FUBP3: variants seen among roughly 807,000 people sequenced by gnomAD.
FUBP3 encodes far upstream element-binding protein 3.
A neutral mutation model predicts 85.6 loss-of-function variants in FUBP3; 28 were observed. That is an observed-to-expected ratio of 0.33 (90% CI 0.24 to 0.45). The LOEUF (loss-of-function observed/expected upper bound fraction) is 0.45. Ranked by LOEUF, FUBP3 falls within the 20% of genes least tolerant of loss-of-function variation. The pLI is 1.00. For missense variants in FUBP3, 583 were observed against 755.1 expected (o/e 0.77, Z 2.67); for synonymous variants, 271 against 271.4 (o/e 1.00, Z 0.01).
chr9:130,602,515 G>A (rs147786658), intron 2 of FUBP3, among the ~76,000 whole-genome samples: 190 of 152,196 alleles, frequency 1.2e-3, no homozygotes, highest in African/African-American at 4.4e-3. Flanking sequence ...GAGCCATGAT[G>A]CCCGGACCCC....
intron 2 of FUBP3, among the ~76,000 whole-genome samples, chr9:130,607,979 G>A (rs1831546242): frequency 1.3e-5 from 2 of 152,208 alleles, no homozygotes; most frequent in Admixed American, 6.5e-5. Context: ...CATGTGCGTG[G>A]CACCTGTAAC....
chr9:130,610,848 A>G (rs985902227), intron 3 of FUBP3, among the ~76,000 whole-genome samples: 3 of 151,956 alleles, frequency 2.0e-5, no homozygotes, highest in Admixed American at 6.6e-5. Flanking sequence ...GGTTGTTGTT[A>G]TTGTTGTTTC....
intron 2 of FUBP3, among the ~76,000 whole-genome samples, chr9:130,598,366 AATTGTGAAATT>A (rs1232194911): frequency 6.6e-6 from 1 of 152,214 alleles, no homozygotes; most frequent in African/African-American, 2.4e-5. Flanking sequence ...AACAAGGCTG[AATTGTGAAATT>A]GTTGTGAAAG....
intron 13 of FUBP3, 104 bp from the exon 14 acceptor site, chr9:130,631,453 G>T: frequency 7.7e-7 from 1 of 1,294,224 alleles, no homozygotes; most frequent in South Asian, 1.3e-5. Flanking sequence ...TACTTCACTC[G>T]ACTCCATCTC....
chr9:130,587,001 G>T (rs186717062), intron 1 of FUBP3, among the ~76,000 whole-genome samples: 1 of 151,426 alleles, frequency 6.6e-6, no homozygotes, highest in African/African-American at 2.4e-5. Context: ...CACCTGCCTC[G>T]GCCTCCCAAA....
rs558889297 is a variant in FUBP3 at position 130,586,763 on chromosome 9, T to C, written c.84+6999T>C. Reference sequence around the variant, plus strand: ...GAAGCAGCAATCTTTTTTTTTTTTTTTTTTTCAGACGGAGTCTCGCTCTGT... The same window carrying C: ...GAAGCAGCAATCTTTTTTTTTTTTTCTTTTTCAGACGGAGTCTCGCTCTGT... On this transcript the variant is annotated intron_variant, in intron 1 of 18. Coordinates refer to ENST00000319725, the MANE Select transcript of FUBP3 (RefSeq NM_003934.2). Among the ~76,000 whole-genome samples the C allele has an allele frequency of 1.4e-3, 215 of 149,180 alleles. 3 individuals carry two copies. Among genetic ancestry groups the C allele is most frequent in the African/African-American group, 5.2e-3 (209 of 40,448 alleles).
At chr9:130,636,250 C>T (rs1830414270) in intron 18 of FUBP3, 124 bp downstream of exon 18, 1 of 979,140 alleles carries the variant, frequency 1.0e-6, no homozygotes, top group Non-Finnish European at 1.6e-6. Context: ...GGCGCCATAG[C>T]TCCTCAGCGA....
chr9:130,598,062 T>C (rs1830957237), intron 2 of FUBP3, among the ~76,000 whole-genome samples: 1 of 152,166 alleles, frequency 6.6e-6, no homozygotes, highest in Admixed American at 6.5e-5. Context: ...AAATACGCAA[T>C]ATAAATGAAC....
intron 2 of FUBP3, among the ~76,000 whole-genome samples, chr9:130,606,762 G>T (rs1831476319): frequency 6.6e-6 from 1 of 152,066 alleles, no homozygotes. Flanking sequence ...AGAGGTTGTG[G>T]TAAGCCGAGA....
chr9:130,609,912 GC>G, intron 2 of FUBP3, 41 bp from the exon 3 acceptor site: 1 of 1,509,540 alleles, frequency 6.6e-7, no homozygotes, highest in Non-Finnish European at 9.2e-7. Context: ...GTTTATCCGT[GC>G]TAATGCTTTG....
chr9:130,594,166 G>T (rs1372047407), intron 1 of FUBP3, among the ~76,000 whole-genome samples: 2 of 152,124 alleles, frequency 1.3e-5, no homozygotes, highest in Non-Finnish European at 2.9e-5. Flanking sequence ...TCACACCTTT[G>T]AGCCATGGGA....
intron 1 of FUBP3, among the ~76,000 whole-genome samples, chr9:130,588,850 C>T (rs1369702619): frequency 6.6e-6 from 1 of 152,236 alleles, no homozygotes; most frequent in Non-Finnish European, 1.5e-5. Context: ...GGGCTACTTC[C>T]CTGGCTGCAT....
chr9:130,584,738 A>G (rs138618928), intron 1 of FUBP3, among the ~76,000 whole-genome samples: 497 of 151,976 alleles, frequency 3.3e-3, no homozygotes, highest in Admixed American at 4.9e-3. Context: ...GCGTGGTGGC[A>G]CATGTCTGTA....
chr9:130,586,350 A>G (rs1830335783), intron 1 of FUBP3, among the ~76,000 whole-genome samples: 1 of 152,232 alleles, frequency 6.6e-6, no homozygotes, highest in African/African-American at 2.4e-5. Context: ...TGCGGAATTC[A>G]GTCTTTACAA....
At chr9:130,586,655 G>C (rs1457943739) in intron 1 of FUBP3, among the ~76,000 whole-genome samples, 1 of 152,048 alleles carries the variant, frequency 6.6e-6, no homozygotes, top group Non-Finnish European at 1.5e-5. Flanking sequence ...AGCAGTTCTT[G>C]GACCCATGCC....
At position 130,623,715 on chromosome 9, in the gene FUBP3, G is replaced by A. The variant is rs1194469032; in HGVS notation, c.975+4G>A. ...CGAGCTGATTCTTACAGCCCAGGTG[G>A]GTCCAGCTCTGCAGAGTGTGAGTGT... On this transcript the variant is annotated splice_donor_region_variant and intron_variant, in intron 11 of 18. Transcript: ENST00000319725. 3.1e-6 allele frequency: 5 copies of A among 1,598,540 alleles called. No individual in the cohort carries two copies. Among genetic ancestry groups the A allele is most frequent in the Non-Finnish European group, 4.3e-6 (5 of 1,166,438 alleles).
chr9:130,623,780 G>A, intron 11 of FUBP3, 69 bp downstream of exon 11: 1 of 1,014,232 alleles, frequency 9.9e-7, no homozygotes, highest in Non-Finnish European at 1.5e-6. Flanking sequence ...GGGGCTCTCG[G>A]TGCAGCACCA....
chr9:130,631,368 G>A (rs898797613), intron 13 of FUBP3, 189 bp from the exon 14 acceptor site: 16 of 1,399,440 alleles, frequency 1.1e-5, no homozygotes, highest in East Asian at 2.6e-5. Flanking sequence ...GGTATTGGTC[G>A]CTGGAGGGCA....
intron 5 of FUBP3, among the ~76,000 whole-genome samples, chr9:130,613,639 A>T (rs1831862185): frequency 6.6e-6 from 1 of 152,252 alleles, no homozygotes; most frequent in African/African-American, 2.4e-5. Flanking sequence ...ACATTTGACT[A>T]GAAAAATGTC....
Sources: allele counts gnomAD v4.1 joint callset (sites outside exome capture counted in the v4.1 genomes callset), GRCh38; gene constraint gnomAD v4.1.1; transcripts MANE v1.5; gene names NCBI Gene and HGNC (gene_info 2026-07-23, HGNC 2026-07-21).